NPRL3: variants seen among roughly 807,000 people sequenced by gnomAD.
The protein encoded by NPRL3 is GATOR1 complex protein NPRL3.
NPRL3 carries 23 observed loss-of-function variants against 57.2 expected under a neutral mutation model. The observed-to-expected ratio is 0.40, with a 90% CI of 0.29 to 0.57. NPRL3 has a LOEUF of 0.57. NPRL3 is among the 20% of genes least tolerant of loss of function. The pLI, the probability that NPRL3 is intolerant of heterozygous loss-of-function variation, is 0.42. For missense variants in NPRL3, 691 were observed against 767.1 expected (o/e 0.90, Z 1.17); for synonymous variants, 333 against 321.1 (o/e 1.04, Z -0.39).
chr16:89,590 G>A, intron 12 of NPRL3, 123 bp downstream of exon 12: 1 of 902,982 alleles, frequency 1.1e-6, no homozygotes, highest in Non-Finnish European at 1.6e-6. Context: ...CGAGGCACGT[G>A]CATGTGCGTG....
At position 127,848 on chromosome 16, in the gene NPRL3, G is replaced by A. The variant is rs570338820; in HGVS notation, c.188+2674C>T. ...TTTTTGTATTTTTAGTAGAGATGGG[G>A]TTTCACCGTGTTAGCCAGGATGAGT... On this transcript the variant is annotated intron_variant, in intron 3 of 13. Coordinates refer to ENST00000611875, the MANE Select transcript of NPRL3 (RefSeq NM_001077350.3). Among the ~76,000 whole-genome samples, 1,002 of 151,094 alleles carry A rather than the reference G, an allele frequency of 6.6e-3. 7 individuals are homozygous for A. The highest frequency in any genetic ancestry group is 0.041 in the South Asian group (196 of 4,788).
chr16:112,489 G>C (rs1178574048), intron 6 of NPRL3, 133 bp downstream of exon 6: 2 of 839,276 alleles, frequency 2.4e-6, no homozygotes, highest in Admixed American at 3.4e-5. Context: ...TGCTCTGCTG[G>C]TGTTGGGGTG....
chr16:92,763 C>A (rs770263853), intron 10 of NPRL3, 38 bp from the exon 11 acceptor site: 2 of 1,608,166 alleles, frequency 1.2e-6, no homozygotes, highest in Non-Finnish European at 1.7e-6. Context: ...TGCAGCAGAC[C>A]CCCCCACCGT....
chr16:105,466 G>A (rs1348365938), intron 7 of NPRL3, among the ~76,000 whole-genome samples: 2 of 151,100 alleles, frequency 1.3e-5, no homozygotes, highest in Non-Finnish European at 2.9e-5. Flanking sequence ...AATTTCAAAC[G>A]AAAGTTTATA....
chr16:127,881 T>G (rs1347844225), intron 3 of NPRL3, among the ~76,000 whole-genome samples: 1 of 151,750 alleles, frequency 6.6e-6, no homozygotes, highest in East Asian at 2.0e-4. Flanking sequence ...AGTCTCGATC[T>G]CCTGACCTCA....
intron 2 of NPRL3, among the ~76,000 whole-genome samples, chr16:134,174 G>A (rs1316322272): frequency 6.6e-6 from 1 of 152,054 alleles, no homozygotes; most frequent in Non-Finnish European, 1.5e-5. Context: ...GGTTTGCCAT[G>A]AACTTTCAAT....
intron 8 of NPRL3, among the ~76,000 whole-genome samples, chr16:99,470 C>T (rs1400751226): frequency 6.6e-6 from 1 of 151,834 alleles, no homozygotes; most frequent in Non-Finnish European, 1.5e-5. Flanking sequence ...TGGTGAAACC[C>T]CATCTCTACT....
rs1393348028 is a variant in NPRL3, at chr16:86,976, C to A, written c.1545-106G>T. The stretch of plus-strand genomic sequence containing the variant: ...GCTCTGAGCTGCCCACAGGCCTGAA[C>A]AGAGCTGGTGGTGAAGGCCAGGGAG... On this transcript the variant is annotated intron_variant, in intron 13 of 13. Coordinates refer to ENST00000611875, the MANE Select transcript of NPRL3 (RefSeq NM_001077350.3). 8 of 1,209,274 alleles carry A rather than the reference C, an allele frequency of 6.6e-6. No homozygotes were observed. The East Asian group carries it at 2.0e-4, about 31-fold the overall frequency. The allele number at this position is 1,209,274 out of a possible 1,614,324, so 74.9% of individuals were successfully genotyped here.
chr16:109,917 G>A (rs1236501423), intron 7 of NPRL3, among the ~76,000 whole-genome samples: 2 of 152,172 alleles, frequency 1.3e-5, no homozygotes, highest in East Asian at 3.9e-4. Context: ...CTTAAACATA[G>A]GAGAGTGATT....
At chr16:97,692 CA>C (rs1899078786) in intron 9 of NPRL3, among the ~76,000 whole-genome samples, 2 of 152,240 alleles carry the variant, frequency 1.3e-5, no homozygotes, top group South Asian at 4.1e-4. Context: ...TGTGCACACA[CA>C]GGGGCGTAAG....
intron 8 of NPRL3, among the ~76,000 whole-genome samples, chr16:99,525 C>A (rs1899176447): frequency 6.6e-6 from 1 of 151,096 alleles, no homozygotes; most frequent in African/African-American, 2.4e-5. Flanking sequence ...CACCCATAAT[C>A]CCAGCTACTC....
chr16:112,901 T>A (rs1443044665), intron 5 of NPRL3, 126 bp from the exon 6 acceptor site: 17 of 917,956 alleles, frequency 1.9e-5, no homozygotes, highest in South Asian at 2.7e-5. Flanking sequence ...TCTCTACTCC[T>A]TTCCCCCAGG....
chr16:94,575 C>T (rs1259135093), intron 9 of NPRL3, among the ~76,000 whole-genome samples: 2 of 152,130 alleles, frequency 1.3e-5, no homozygotes, highest in African/African-American at 4.8e-5. Flanking sequence ...ATAGTGAGAC[C>T]CTCATCTCTG....
chr16:89,610 G>T, intron 12 of NPRL3, 103 bp downstream of exon 12: 2 of 1,117,074 alleles, frequency 1.8e-6, no homozygotes, highest in African/African-American at 1.6e-5. Flanking sequence ...GTGCAGCTGT[G>T]TGGAGGCCCC....
intron 2 of NPRL3, among the ~76,000 whole-genome samples, chr16:132,013 T>C (rs1311812815): frequency 1.6e-5 from 1 of 61,258 alleles, no homozygotes; most frequent in African/African-American, 3.6e-5. Context: ...TCTTTCTTTT[T>C]TTTTTTTTTT....
chr16:99,621 G>C (rs1899180573), intron 8 of NPRL3, among the ~76,000 whole-genome samples: 1 of 130,430 alleles, frequency 7.7e-6, no homozygotes, highest in Non-Finnish European at 1.6e-5. Flanking sequence ...TGAGCCCCGA[G>C]CAAGACTACA....
chr16:136,531 T>TA (rs11449025), intron 2 of NPRL3, among the ~76,000 whole-genome samples: 51,368 of 146,748 alleles, frequency 0.35, 9,447 homozygotes, highest in South Asian at 0.53. Context: ...CTACTAAAAA[T>TA]AAAAAAAAAA....
intron 8 of NPRL3, 115 bp downstream of exon 8, chr16:100,257 C>T (rs548120050): frequency 2.6e-5 from 30 of 1,140,530 alleles, no homozygotes; most frequent in East Asian, 2.1e-4. Context: ...TGCAAGCTTC[C>T]GCAGTGGGAA....
chr16:117,893 G>C (rs1900113704), intron 4 of NPRL3, among the ~76,000 whole-genome samples: 2 of 152,216 alleles, frequency 1.3e-5, no homozygotes, highest in Admixed American at 6.5e-5. Flanking sequence ...CATTCCAAGG[G>C]GCACGGGGGA....
Sources: allele counts gnomAD v4.1 joint callset (sites outside exome capture counted in the v4.1 genomes callset), GRCh38; gene constraint gnomAD v4.1.1; transcripts MANE v1.5; gene names NCBI Gene and HGNC (gene_info 2026-07-23, HGNC 2026-07-21).